Variants in MAD1L1 observed in about 807,000 individuals in gnomAD.
The protein encoded by MAD1L1 is mitotic spindle assembly checkpoint protein MAD1.
A neutral mutation model predicts 96.9 loss-of-function variants in MAD1L1; 95 were observed. That is an observed-to-expected ratio of 0.98 (90% CI 0.83 to 1.16). The LOEUF (loss-of-function observed/expected upper bound fraction) is 1.16. Ranked by LOEUF, MAD1L1 falls within the 50% of genes most tolerant of loss-of-function variation. The pLI is 0.00. For synonymous variants in MAD1L1, 473 were observed against 396.6 expected (o/e 1.19, Z -2.29); for missense variants, 1,007 against 954.4 (o/e 1.06, Z -0.73).
intron 13 of MAD1L1, among the ~76,000 whole-genome samples, chr7:2,012,842 C>T (rs995973491): frequency 3.9e-5 from 6 of 152,308 alleles, no homozygotes; most frequent in African/African-American, 9.6e-5. Context: ...TCATTCTCGC[C>T]AAGTGCCATC....
intron 11 of MAD1L1, among the ~76,000 whole-genome samples, chr7:2,120,038 C>T (rs1314971518): frequency 2.0e-5 from 3 of 152,220 alleles, no homozygotes; most frequent in Admixed American, 6.5e-5. Context: ...TCAGGCCCTC[C>T]AGCTCTCCCT....
intron 17 of MAD1L1, among the ~76,000 whole-genome samples, chr7:1,902,977 G>A (rs1787349910): frequency 6.6e-6 from 1 of 151,164 alleles, no homozygotes; most frequent in South Asian, 2.1e-4. Context: ...GGACCCAGTG[G>A]CCTACAGAAG....
At chr7:1,977,617 C>T (rs1322870071) in intron 15 of MAD1L1, among the ~76,000 whole-genome samples, 1 of 152,256 alleles carries the variant, frequency 6.6e-6, no homozygotes, top group Non-Finnish European at 1.5e-5. Context: ...GGACGAGAAG[C>T]TTTGACCTTG....
intron 16 of MAD1L1, among the ~76,000 whole-genome samples, chr7:1,946,803 T>C (rs1381692911): frequency 1.3e-5 from 2 of 152,012 alleles, no homozygotes; most frequent in Non-Finnish European, 2.9e-5. Flanking sequence ...CTTGGAGGGG[T>C]CTGCACAGGG....
chr7:1,886,717 G>A (rs1786055666), intron 18 of MAD1L1, among the ~76,000 whole-genome samples: 1 of 152,274 alleles, frequency 6.6e-6, no homozygotes, highest in Admixed American at 6.5e-5. Context: ...GGGTGACCCT[G>A]GGCAGGCCCT....
chr7:2,064,892 C>T (rs1202076359), intron 12 of MAD1L1, among the ~76,000 whole-genome samples: 5 of 151,818 alleles, frequency 3.3e-5, no homozygotes, highest in African/African-American at 7.3e-5. Context: ...CCAGGGAGGA[C>T]GGTGGCTGCT....
At chr7:2,151,290 C>T (rs938212793) in intron 10 of MAD1L1, among the ~76,000 whole-genome samples, 7 of 152,362 alleles carry the variant, frequency 4.6e-5, no homozygotes, top group South Asian at 2.1e-4. Context: ...TCTGCAACGG[C>T]GCCTCCCAGC....
At chr7:2,013,913 G>A (rs1483976803) in intron 13 of MAD1L1, among the ~76,000 whole-genome samples, 38 of 152,216 alleles carry the variant, frequency 2.5e-4, no homozygotes, top group Non-Finnish European at 2.9e-5. Context: ...GGAGCGTCAC[G>A]GTGGCCCATG....
At chr7:2,123,712 T>G (rs1247248350) in intron 11 of MAD1L1, among the ~76,000 whole-genome samples, 1 of 152,176 alleles carries the variant, frequency 6.6e-6, no homozygotes, top group African/African-American at 2.4e-5. Flanking sequence ...AGAGTGCACT[T>G]CGCAGGCGGC....
chr7:1,913,859 T>C (rs890204569), intron 17 of MAD1L1, among the ~76,000 whole-genome samples: 22 of 152,246 alleles, frequency 1.4e-4, no homozygotes, highest in African/African-American at 4.1e-4. Flanking sequence ...GGAAGAATCC[T>C]GCAGGAAACG....
chr7:1,842,502 C>T (rs145860210), intron 18 of MAD1L1, among the ~76,000 whole-genome samples: 2,283 of 152,390 alleles, frequency 0.015, 60 homozygotes, highest in Admixed American at 0.065. Context: ...TCCCTTCCGG[C>T]GCATGCCTGC....
chr7:2,089,947 C>T (rs1017367348), intron 11 of MAD1L1, among the ~76,000 whole-genome samples: 2 of 152,202 alleles, frequency 1.3e-5, no homozygotes, highest in African/African-American at 2.4e-5. Flanking sequence ...GAAGGAGCTC[C>T]GGCCAGGGAC....
At chr7:1,912,575 G>A (rs374773545) in intron 17 of MAD1L1, among the ~76,000 whole-genome samples, 5 of 152,150 alleles carry the variant, frequency 3.3e-5, no homozygotes, top group African/African-American at 9.7e-5. Context: ...CAGAGCCACC[G>A]GGACCCTGTG....
intron 12 of MAD1L1, among the ~76,000 whole-genome samples, chr7:2,018,622 G>T (rs1390041042): frequency 6.6e-6 from 1 of 152,226 alleles, no homozygotes; most frequent in Non-Finnish European, 1.5e-5. Flanking sequence ...GAGGCAGGCA[G>T]GCAGCTCCAT....
intron 10 of MAD1L1, among the ~76,000 whole-genome samples, chr7:2,176,991 C>A (rs1470047172): frequency 6.6e-6 from 1 of 152,178 alleles, no homozygotes; most frequent in South Asian, 2.1e-4. Flanking sequence ...TCCAGGTGAA[C>A]TGTGAATCGC....
Position 2,114,012 on chromosome 7 carries a change from G to A in MAD1L1, c.1073+35140C>T, listed in dbSNP as rs766229630. Among the ~76,000 whole-genome samples the A allele has an allele frequency of 8.5e-5, 13 of 152,224 alleles. No homozygotes were observed. The highest frequency in any genetic ancestry group is 1.6e-4 in the Non-Finnish European group (11 of 68,042). On this transcript the variant is annotated intron_variant, in intron 11 of 18. Coordinates refer to ENST00000265854, the MANE Select transcript of MAD1L1 (RefSeq NM_001013836.2). The surrounding 1 kb of genome is among the most constrained non-coding windows in gnomAD (Gnocchi z 4.2). ...ATCCTGGCACAGAAAAAGGAGCTCA[G>A]TGGGAGAGCCGGCAAGACCTGAACG... is the stretch of plus-strand genomic sequence containing the variant.
intron 10 of MAD1L1, among the ~76,000 whole-genome samples, chr7:2,183,962 A>C (rs1791331813): frequency 6.6e-6 from 1 of 152,098 alleles, no homozygotes; most frequent in Non-Finnish European, 1.5e-5. Context: ...AGCAAAAGAA[A>C]GAACTCAGCC....
chr7:1,963,497 C>G (rs117998432), intron 15 of MAD1L1, among the ~76,000 whole-genome samples: 1 of 152,146 alleles, frequency 6.6e-6, no homozygotes, highest in Non-Finnish European at 1.5e-5. Flanking sequence ...AATGTGGTAA[C>G]GGCTCCATGG....
intron 10 of MAD1L1, among the ~76,000 whole-genome samples, chr7:2,154,364 G>A (rs919529837): frequency 2.0e-5 from 3 of 152,190 alleles, no homozygotes; most frequent in African/African-American, 7.2e-5. Context: ...GATGAAGAGA[G>A]TTGAGTTAAT....
Sources: allele counts gnomAD v4.1 joint callset (sites outside exome capture counted in the v4.1 genomes callset), GRCh38; gene constraint gnomAD v4.1.1; non-coding constraint Gnocchi (gnomAD v3.1); transcripts MANE v1.5; gene names NCBI Gene and HGNC (gene_info 2026-07-23, HGNC 2026-07-21).